The following ZNF423 variants were observed in gnomAD, a reference collection of about 807,000 sequenced individuals.
The protein encoded by ZNF423 is Ebf-associated zinc finger protein.
ZNF423 carries 12 observed loss-of-function variants against 95.8 expected under a neutral mutation model. That is an observed-to-expected ratio of 0.13 (90% CI 0.08 to 0.20). ZNF423 has a LOEUF of 0.20. Among genes scored for constraint, ZNF423 ranks in the 10% least tolerant of loss-of-function variants. ZNF423 has a pLI of 1.00. For missense variants in ZNF423, 1,316 were observed against 1,737.1 expected (o/e 0.76, Z 4.31); for synonymous variants, 749 against 711.9 (o/e 1.05, Z -0.83).
In ZNF423 at chr16:49,636,393, C is replaced by A. The variant is rs746868124; in HGVS notation, c.2783G>T (p.Arg928Leu). 6.2e-7 allele frequency: 1 copy of A among 1,613,214 alleles called. No homozygotes were observed. Among genetic ancestry groups the A allele is most frequent in the Admixed American group, 1.7e-5 (1 of 60,024 alleles). The stretch of plus-strand genomic sequence containing the variant: ...GCCCTTGATAAACTCAGCCTTCTTG[C>A]GTGAGCCATCATCCTCGCCCGGCCG... ...NIRPGEDDGS[R>L]KKAEFIKGSH... Residue 928 changes from arginine (R) to leucine (L), a missense_variant, in exon 4 of 8, where the codon CGC (arginine) becomes CTC (leucine). Arg to Leu is a moderately radical substitution (Grantham distance 102). Around this residue, in one of 6 missense-constraint regions of ZNF423, gnomAD observed 620 missense variants for 775.6 expected, o/e 0.80. Transcript: ENST00000563137. The surrounding 1 kb of genome is among the most constrained non-coding windows in gnomAD (Gnocchi z 8.6).
At chr16:49,494,093 C>A (rs1386589817) in intron 7 of ZNF423, among the ~76,000 whole-genome samples, 1 of 152,198 alleles carries the variant, frequency 6.6e-6, no homozygotes, top group Non-Finnish European at 1.5e-5. Context: ...ATGGCCCACA[C>A]TGGCTCACCA....
At chr16:49,696,898 C>T (rs906921231) in intron 3 of ZNF423, among the ~76,000 whole-genome samples, 1 of 152,224 alleles carries the variant, frequency 6.6e-6, no homozygotes, top group Non-Finnish European at 1.5e-5. Flanking sequence ...GCCTGCAGAG[C>T]GCTTTCAGGA....
At chr16:49,672,912 C>T (rs1678806957) in intron 3 of ZNF423, among the ~76,000 whole-genome samples, 1 of 152,196 alleles carries the variant, frequency 6.6e-6, no homozygotes, top group Non-Finnish European at 1.5e-5. Context: ...TGTCCACAGC[C>T]TGCCCCACCA....
intron 2 of ZNF423, among the ~76,000 whole-genome samples, chr16:49,753,819 T>A (rs917103758): frequency 1.3e-5 from 2 of 151,522 alleles, no homozygotes; most frequent in Admixed American, 6.6e-5. Context: ...TCACCTGAGG[T>A]CAGGAGTTCG....
chr16:49,638,298 C>A lies in ZNF423; in HGVS notation c.878G>T (p.Arg293Leu), dbSNP rs764472490. The change falls in exon 4 of 8, where the codon CGC becomes CTC. Residue 293 changes from arginine to leucine, a missense_variant. Transcript: ENST00000563137. This position sits in a 1 kb window ranked among gnomAD's most constrained non-coding sequence, Gnocchi z 5.6. ...TEELEKHVLT[R>L]HPQLSEKADL... ...CGCCTTCTCGGACAGCTGCGGGTGG[C>A]GGGTGAGCACGTGCTTCTCCAGCTC... is the stretch of plus-strand genomic sequence containing the variant. The A allele has an allele frequency of 6.2e-7, 1 of 1,613,722 alleles. No homozygotes were observed. The highest frequency in any genetic ancestry group is 1.6e-4 in the Middle Eastern group (1 of 6,062).
chr16:49,801,237 G>A (rs1470468373), intron 1 of ZNF423, among the ~76,000 whole-genome samples: 2 of 152,334 alleles, frequency 1.3e-5, no homozygotes, highest in East Asian at 1.9e-4. Context: ...ACAGACGCCA[G>A]CCTGGCCCAG....
At chr16:49,657,808 T>C (rs2029966307) in intron 3 of ZNF423, among the ~76,000 whole-genome samples, 1 of 152,194 alleles carries the variant, frequency 6.6e-6, no homozygotes, top group African/African-American at 2.4e-5. Context: ...GGGTCCTCCC[T>C]GCAACACTGA....
chr16:49,669,071 T>C (rs2030680868), intron 3 of ZNF423, among the ~76,000 whole-genome samples: 1 of 152,256 alleles, frequency 6.6e-6, no homozygotes, highest in Middle Eastern at 3.4e-3. Flanking sequence ...AGCTCATGTC[T>C]GTAATCCTAG....
intron 5 of ZNF423, among the ~76,000 whole-genome samples, chr16:49,583,226 A>T (rs745521498): frequency 6.6e-6 from 1 of 152,200 alleles, no homozygotes; most frequent in African/African-American, 2.4e-5. Flanking sequence ...CCAACTTGCA[A>T]TGGTGGGTTT....
chr16:49,797,491 C>T (rs2034516779), intron 1 of ZNF423, among the ~76,000 whole-genome samples: 1 of 152,188 alleles, frequency 6.6e-6, no homozygotes, highest in Non-Finnish European at 1.5e-5. Context: ...GGGTCAAGTG[C>T]AGACAAACCC....
chr16:49,790,987 T>A (rs944565504), intron 1 of ZNF423, among the ~76,000 whole-genome samples: 1 of 152,144 alleles, frequency 6.6e-6, no homozygotes, highest in Non-Finnish European at 1.5e-5. Flanking sequence ...CTGCTCTACG[T>A]GGTGCTCTAC....
intron 3 of ZNF423, among the ~76,000 whole-genome samples, chr16:49,721,972 T>C (rs2032879411): frequency 1.3e-5 from 2 of 152,172 alleles, no homozygotes; most frequent in Non-Finnish European, 2.9e-5. Flanking sequence ...TCGCTCTATG[T>C]AATCAAGTCA....
At chr16:49,818,973 G>T (rs2034897727) in intron 1 of ZNF423, among the ~76,000 whole-genome samples, 1 of 151,226 alleles carries the variant, frequency 6.6e-6, no homozygotes, top group Admixed American at 6.6e-5. Flanking sequence ...GGCAGCTCTG[G>T]CCGGGTGCAG....
chr16:49,604,474 C>T (rs1225911079), intron 5 of ZNF423, among the ~76,000 whole-genome samples: 1 of 152,158 alleles, frequency 6.6e-6, no homozygotes, highest in African/African-American at 2.4e-5. Context: ...CACGCTGCCA[C>T]ACTGCAGTTT....
intron 2 of ZNF423, among the ~76,000 whole-genome samples, chr16:49,741,626 G>A (rs150143440): frequency 1.2e-4 from 19 of 152,330 alleles, no homozygotes; most frequent in Non-Finnish European, 2.5e-4. Context: ...ATATGCCTTG[G>A]AGGGCTGGTC....
intron 1 of ZNF423, among the ~76,000 whole-genome samples, chr16:49,813,008 C>T (rs530355749): frequency 6.6e-6 from 1 of 152,228 alleles, no homozygotes; most frequent in South Asian, 2.1e-4. Flanking sequence ...AAACCCCCTG[C>T]CACACCACCA....
In ZNF423 at chr16:49,809,740, G is replaced by A. The variant is rs187285953; in HGVS notation, c.41-20194C>T. On this transcript the variant is annotated intron_variant, in intron 1 of 7. Transcript: ENST00000563137. The stretch of plus-strand genomic sequence containing the variant: ...TAAAAGCATTCCTGCTCCCACTTCT[G>A]ATGGCCTCCAAAGTGCCTCCACCAA... 3.0e-3 allele frequency among the ~76,000 whole-genome samples: 462 copies of A among 152,306 alleles called. 1 individual carries two copies. The highest frequency in any genetic ancestry group is 0.01 in the African/African-American group (435 of 41,574).
chr16:49,498,351 T>C (rs1038714805), intron 7 of ZNF423, among the ~76,000 whole-genome samples: 2 of 152,214 alleles, frequency 1.3e-5, no homozygotes, highest in Non-Finnish European at 2.9e-5. Flanking sequence ...ACCACCACAC[T>C]GTTCTGCCTG....
At chr16:49,696,069 T>C (rs1596871450) in intron 3 of ZNF423, among the ~76,000 whole-genome samples, 1 of 152,220 alleles carries the variant, frequency 6.6e-6, no homozygotes. Flanking sequence ...TTGACCCCAG[T>C]GGACTCATCC....
Sources: gnomAD v4.1 joint callset for allele counts (sites outside exome capture counted in the v4.1 genomes callset) on GRCh38, gnomAD v4.1.1 for gene constraint, gnomAD v4.1.1 regional missense constraint, Gnocchi (gnomAD v3.1) non-coding constraint, MANE v1.5 for transcripts, NCBI Gene and HGNC (gene_info 2026-07-23, HGNC 2026-07-21) for gene names.